Variants in USP34 observed in about 807,000 individuals in gnomAD.
USP34 encodes ubiquitin specific peptidase 34.
In USP34, 70 loss-of-function variants were observed where a neutral mutation model predicts 460.3. The observed-to-expected ratio is 0.15, with a 90% CI of 0.13 to 0.19. USP34 has a LOEUF of 0.19. Ranked by LOEUF, USP34 falls within the 10% of genes least tolerant of loss-of-function variation. The probability of loss-of-function intolerance (pLI) is 1.00; values close to 1 mark genes in which losing one functional copy is unlikely to be tolerated. For synonymous variants in USP34, 1,647 were observed against 1,405.3 expected, an observed-to-expected ratio of 1.17 and a Z score of -3.85; for missense variants, 3,985 against 4,236.2, an observed-to-expected ratio of 0.94 and a Z score of 1.65.
intron 75 of USP34, among the ~76,000 whole-genome samples, chr2:61,195,432 G>C (rs1042268936): frequency 8.3e-4 from 126 of 151,118 alleles, no homozygotes; most frequent in African/African-American, 2.9e-3. Context: ...CCAGCACTTT[G>C]GGAGGCCAAG....
At chr2:61,360,342 C>A (rs187149867) in intron 10 of USP34, among the ~76,000 whole-genome samples, 31 of 152,202 alleles carry the variant, frequency 2.0e-4, no homozygotes, top group African/African-American at 7.5e-4. Flanking sequence ...TAAATGAATA[C>A]AGTAAAGCTG....
intron 69 of USP34, among the ~76,000 whole-genome samples, chr2:61,209,324 A>C (rs1489022985): frequency 2.0e-5 from 3 of 152,190 alleles, no homozygotes; most frequent in Non-Finnish European, 4.4e-5. Context: ...CATATTATCT[A>C]AACACTCATC....
intron 3 of USP34, among the ~76,000 whole-genome samples, chr2:61,405,324 G>C (rs1241647191): frequency 1.3e-5 from 2 of 150,890 alleles, no homozygotes; most frequent in Non-Finnish European, 2.9e-5. Flanking sequence ...AATTTGCTAA[G>C]CTTTTTTTTC....
chr2:61,346,512 T>C (rs867869600), intron 15 of USP34, among the ~76,000 whole-genome samples: 1 of 108,922 alleles, frequency 9.2e-6, no homozygotes, highest in Non-Finnish European at 1.7e-5. Flanking sequence ...GGTGACAAAG[T>C]GAGACCCTAT....
intron 2 of USP34, among the ~76,000 whole-genome samples, chr2:61,412,826 C>G (rs1694078396): frequency 6.7e-6 from 1 of 150,086 alleles, no homozygotes; most frequent in Non-Finnish European, 1.5e-5. Context: ...GAAGTCGAGG[C>G]CGCAGTGAGC....
chr2:61,307,652 A>C (rs1031381485), intron 27 of USP34, among the ~76,000 whole-genome samples: 2 of 152,170 alleles, frequency 1.3e-5, no homozygotes, highest in African/African-American at 2.4e-5. Flanking sequence ...AAGGCAAAAT[A>C]AACATTTTTA....
At chr2:61,467,026 C>A (rs1016707413) in intron 1 of USP34, among the ~76,000 whole-genome samples, 1 of 152,070 alleles carries the variant, frequency 6.6e-6, no homozygotes, top group Non-Finnish European at 1.5e-5. Context: ...GCAGTCTTGG[C>A]CAGGCGCGGT....
At chr2:61,287,320 C>T (rs1184223382) in intron 34 of USP34, among the ~76,000 whole-genome samples, 1 of 152,146 alleles carries the variant, frequency 6.6e-6, no homozygotes, top group East Asian at 1.9e-4. Context: ...TGAGATCTCC[C>T]TAAAATCTCA....
At chr2:61,403,177 T>C (rs1451820127) in intron 3 of USP34, among the ~76,000 whole-genome samples, 1 of 152,124 alleles carries the variant, frequency 6.6e-6, no homozygotes, top group Non-Finnish European at 1.5e-5. Flanking sequence ...TTCAACCAAG[T>C]AGTAACATAA....
chr2:61,454,858 GGT>G (rs1491402060), intron 1 of USP34, among the ~76,000 whole-genome samples: 5 of 102,076 alleles, frequency 4.9e-5, no homozygotes, highest in Non-Finnish European at 1.0e-4. Context: ...AATATAGTGG[GGT>G]TTTTTTTTTC....
At position 61,281,255 on chromosome 2, in the gene USP34, G is replaced by GA. The variant is rs1175651234; in HGVS notation, c.4999-14dup. 1.2e-6 allele frequency: 2 copies of GA among 1,603,808 alleles called. No homozygotes were observed. Among genetic ancestry groups the GA allele is most frequent in the Non-Finnish European group, 1.7e-6 (2 of 1,176,176 alleles). The stretch of plus-strand genomic sequence containing the variant: ...GACGAACTGCAGTCTAGATGAAAAA[G>GA]AAAGTTCCACAAACAGTGAGAGTTA... On this transcript the variant is annotated splice_polypyrimidine_tract_variant and intron_variant, in intron 37 of 79. Coordinates refer to ENST00000398571, the MANE Select transcript of USP34 (RefSeq NM_014709.4).
At chr2:61,378,479 T>A (rs10208769) in intron 7 of USP34, 55 bp from the exon 8 acceptor site, 609,421 of 1,179,886 alleles carry the variant, frequency 0.52, 162,159 homozygotes, top group South Asian at 0.73. Context: ...ATTCTTGCAT[T>A]TGTCAGCAAA....
Position 61,470,702 on chromosome 2 carries a change from G to T in USP34, c.-10C>A. 1 of 1,588,650 alleles carries T rather than the reference G, an allele frequency of 6.3e-7. No homozygotes were observed. The highest frequency in any genetic ancestry group is 8.6e-7 in the Non-Finnish European group (1 of 1,167,580). On this transcript the variant is annotated 5_prime_UTR_variant, in exon 1 of 80. Coordinates refer to ENST00000398571, the MANE Select transcript of USP34 (RefSeq NM_014709.4). ...CGCAGTTCTCGCACATCGTTCGGCC[G>T]CCGCCCCCCCCCTCCCCCGCTTCGG... is the stretch of plus-strand genomic sequence containing the variant.
intron 39 of USP34, among the ~76,000 whole-genome samples, chr2:61,279,761 G>C (rs972521450): frequency 6.6e-6 from 1 of 152,166 alleles, no homozygotes; most frequent in Non-Finnish European, 1.5e-5. Context: ...ACTGCACCTG[G>C]CCTGAAATTT....
intron 1 of USP34, among the ~76,000 whole-genome samples, chr2:61,425,062 C>A (rs1694471300): frequency 6.6e-6 from 1 of 152,176 alleles, no homozygotes; most frequent in South Asian, 2.1e-4. Flanking sequence ...TCATGATCCA[C>A]CTGCCTTGGC....
intron 2 of USP34, among the ~76,000 whole-genome samples, chr2:61,412,892 A>ACCCCGTCTCTACT: frequency 6.6e-6 from 1 of 151,772 alleles, no homozygotes; most frequent in Admixed American, 6.6e-5. Flanking sequence ...ATCTCAAAAA[A>ACCCCGTCTCTACT]AAAAAAAAAA....
At chr2:61,301,706 T>C (rs530868939) in intron 27 of USP34, among the ~76,000 whole-genome samples, 2 of 152,336 alleles carry the variant, frequency 1.3e-5, no homozygotes, top group South Asian at 4.1e-4. Flanking sequence ...ACTGGCCTCC[T>C]TGCCCTTTCT....
At position 61,348,016 on chromosome 2, in the gene USP34, A is replaced by T. The variant is rs767403556; in HGVS notation, c.2139T>A (p.His713Gln). 3 of 1,614,160 alleles carry T rather than the reference A, an allele frequency of 1.9e-6. No individual in the cohort carries two copies. The East Asian group carries it at 6.7e-5, about 36-fold the overall frequency. The stretch of plus-strand genomic sequence containing the variant: ...AAGACTCCTGAGACCCTTGTGCTAT[A>T]TGAGTAGCATTCATTTCCCCTGAAA... ...HDISGEMNAT[H>Q]IAQGSQESCI... Residue 713 changes from histidine to glutamine, a missense_variant, in exon 15 of 80, where the codon CAT becomes CAA. This residue lies in a region of USP34 where 716 missense variants were observed against 626.2 expected (regional missense o/e 1.14). Coordinates refer to ENST00000398571, the MANE Select transcript of USP34 (RefSeq NM_014709.4).
intron 48 of USP34, among the ~76,000 whole-genome samples, chr2:61,251,304 T>A (rs1000738022): frequency 6.6e-6 from 1 of 152,326 alleles, no homozygotes; most frequent in East Asian, 1.9e-4. Flanking sequence ...GCTAAAAAAC[T>A]ATATTTCAAA....
Sources: gnomAD v4.1 joint callset for allele counts (sites outside exome capture counted in the v4.1 genomes callset) on GRCh38, gnomAD v4.1.1 for gene constraint, gnomAD v4.1.1 regional missense constraint, MANE v1.5 for transcripts, NCBI Gene and HGNC (gene_info 2026-07-23, HGNC 2026-07-21) for gene names.